Variants in DACH2 observed in about 807,000 individuals in gnomAD.
The protein encoded by DACH2 is dachshund family transcription factor 2.
In DACH2, 17 loss-of-function variants were observed where a neutral mutation model predicts 35.8. That is an observed-to-expected ratio of 0.48 (90% CI 0.33 to 0.71). The LOEUF (loss-of-function observed/expected upper bound fraction) is 0.71, where lower values mean the gene tolerates loss of function less well. Ranked by LOEUF, DACH2 falls within the 30% of genes least tolerant of loss-of-function variation. DACH2 has a pLI of 0.02. For missense variants in DACH2, 469 were observed against 472.7 expected (o/e 0.99, Z 0.07); for synonymous variants, 195 against 177.3 (o/e 1.10, Z -0.79).
chrX:86,640,336 G>T (rs1210686626), intron 3 of DACH2, among the ~76,000 whole-genome samples: 6 of 111,043 alleles, frequency 5.4e-5, no homozygotes, highest in Non-Finnish European at 9.4e-5. Flanking sequence ...GACCCTAAGT[G>T]CTTTATCCAC....
At chrX:86,237,172 C>G (rs934180337) in intron 1 of DACH2, among the ~76,000 whole-genome samples, 4 of 111,679 alleles carry the variant, frequency 3.6e-5, no homozygotes, top group Non-Finnish European at 7.5e-5. Flanking sequence ...TCTTCTGGCG[C>G]AATAACACAC....
chrX:86,346,664 AGTGT>A (rs2148066867), intron 1 of DACH2, among the ~76,000 whole-genome samples: 1 of 111,866 alleles, frequency 8.9e-6, no homozygotes, highest in African/African-American at 3.2e-5. Context: ...AAGTTTTAAT[AGTGT>A]TTCTCCCTTT....
chrX:86,729,512 A>G (rs1222653278), intron 6 of DACH2, among the ~76,000 whole-genome samples: 2 of 111,796 alleles, frequency 1.8e-5, no homozygotes, highest in Admixed American at 1.9e-4. Flanking sequence ...TTGGAAAGGC[A>G]TGATTGTATT....
chrX:86,653,707 C>T (rs1254841064), intron 4 of DACH2, among the ~76,000 whole-genome samples: 1 of 101,727 alleles, frequency 9.8e-6, no homozygotes, highest in Non-Finnish European at 2.0e-5. Flanking sequence ...ACTCTATCAC[C>T]CAGGCTGGAG....
intron 1 of DACH2, among the ~76,000 whole-genome samples, chrX:86,242,839 C>T (rs1362568459): frequency 9.0e-6 from 1 of 111,437 alleles, no homozygotes; most frequent in Non-Finnish European, 1.9e-5. Context: ...AAGTGTGTGG[C>T]ACTTCCCCCT....
intron 7 of DACH2, among the ~76,000 whole-genome samples, chrX:86,756,412 T>A (rs1218904116): frequency 9.0e-6 from 1 of 110,703 alleles, no homozygotes; most frequent in Non-Finnish European, 1.9e-5. Flanking sequence ...ATTTCTCTCA[T>A]CAGAGTTTTG....
At chrX:86,588,371 T>C (rs2039602439) in intron 3 of DACH2, among the ~76,000 whole-genome samples, 1 of 111,638 alleles carries the variant, frequency 9.0e-6, no homozygotes, top group Non-Finnish European at 1.9e-5. Flanking sequence ...AATATGAATT[T>C]TAGAATAGAT....
intron 2 of DACH2, among the ~76,000 whole-genome samples, chrX:86,458,112 C>T (rs1339619443): frequency 9.0e-6 from 1 of 111,631 alleles, no homozygotes; most frequent in Non-Finnish European, 1.9e-5. Flanking sequence ...GCTTTTAGAC[C>T]AACTTTCTTA....
rs771919980 is a variant in DACH2 at position 86,667,497 on chromosome X, AAG to A, written c.772+16334_772+16335del. Among the ~76,000 whole-genome samples the A allele has an allele frequency of 1.0e-3, 60 of 58,813 alleles. 1 individual carries two copies. Among genetic ancestry groups the A allele is most frequent in the African/African-American group, 4.3e-3 (55 of 12,647 alleles). The allele number at this position is 58,813 out of a possible 115,157, so 51.1% of individuals were successfully genotyped here. On this transcript the variant is annotated intron_variant, in intron 4 of 11. Coordinates refer to ENST00000373125, the MANE Select transcript of DACH2 (RefSeq NM_053281.3). Reference sequence around the variant, plus strand: ...AAAGAAAGAAGGAAGGAAAGAAAGAAAGAGAAAGAAAGAAAGAAAGAAAGAAA... The same window carrying A: ...AAAGAAAGAAGGAAGGAAAGAAAGAAAGAAAGAAAGAAAGAAAGAAAGAAA...
At chrX:86,772,467 A>G (rs572770776) in intron 7 of DACH2, among the ~76,000 whole-genome samples, 1 of 111,542 alleles carries the variant, frequency 9.0e-6, no homozygotes, top group East Asian at 2.8e-4. Context: ...CATCTTCATT[A>G]TATATAACTA....
At position 86,210,575 on chromosome X, in the gene DACH2, A is replaced by G. The variant is rs376176778; in HGVS notation, c.488+61467A>G. Among the ~76,000 whole-genome samples, 4 of 111,932 alleles carry G rather than the reference A, an allele frequency of 3.6e-5. No homozygotes were observed. The East Asian group carries it at 1.1e-3, about 31-fold the overall frequency. On this transcript the variant is annotated intron_variant, in intron 1 of 11. Transcript: ENST00000373125. Reference sequence around the variant, plus strand: ...TTTGATAGTGAATTAAAAGAAAATAAAAGAAAGACAAGAAACACTGACATC... The same window carrying G: ...TTTGATAGTGAATTAAAAGAAAATAGAAGAAAGACAAGAAACACTGACATC...
intron 2 of DACH2, among the ~76,000 whole-genome samples, chrX:86,392,365 A>G (rs2036217811): frequency 8.9e-6 from 1 of 111,922 alleles, no homozygotes; most frequent in African/African-American, 3.2e-5. Flanking sequence ...ATGAGCCTGA[A>G]TAAACCATAA....
At chrX:86,356,784 T>A (rs1209270617) in intron 1 of DACH2, among the ~76,000 whole-genome samples, 1 of 112,033 alleles carries the variant, frequency 8.9e-6, no homozygotes, top group African/African-American at 3.2e-5. Context: ...TTTTTCAAGC[T>A]GTCTTTTTAC....
At chrX:86,458,872 G>A (rs1029563563) in intron 2 of DACH2, among the ~76,000 whole-genome samples, 2 of 110,532 alleles carry the variant, frequency 1.8e-5, no homozygotes, top group Non-Finnish European at 3.8e-5. Flanking sequence ...GCCTGTCAGG[G>A]GGTGGAGGCT....
intron 1 of DACH2, among the ~76,000 whole-genome samples, chrX:86,264,235 A>G (rs2147965141): frequency 1.8e-5 from 2 of 112,237 alleles, no homozygotes; most frequent in East Asian, 5.6e-4. Context: ...AAATCAAATT[A>G]CTAACTTGCA....
At chrX:86,569,821 A>G (rs1003837817) in intron 3 of DACH2, among the ~76,000 whole-genome samples, 32 of 111,888 alleles carry the variant, frequency 2.9e-4, no homozygotes, top group African/African-American at 1.0e-3. Flanking sequence ...GAATGGGAGA[A>G]CATTTTTCTC....
rs1439597282 is a variant in DACH2 at position 86,223,133 on chromosome X, G to A, written c.488+74025G>A. On this transcript the variant is annotated intron_variant, in intron 1 of 11. Coordinates refer to ENST00000373125, the MANE Select transcript of DACH2 (RefSeq NM_053281.3). ...ATGCTATTAAATGGCTATAATGTAA[G>A]TCATGGATGAGTTAGTAATTCACTG... Among the ~76,000 whole-genome samples, 3 of 111,713 alleles carry A rather than the reference G, an allele frequency of 2.7e-5. No individual in the cohort carries two copies. In the South Asian group the frequency reaches 1.1e-3, roughly 41 times the overall value.
At chrX:86,670,430 C>A in intron 4 of DACH2, among the ~76,000 whole-genome samples, 1 of 111,538 alleles carries the variant, frequency 9.0e-6, no homozygotes, top group Non-Finnish European at 1.9e-5. Flanking sequence ...TTGCCTCTCT[C>A]TGCAATGTCC....
At chrX:86,700,092 G>A (rs1410285609) in intron 5 of DACH2, among the ~76,000 whole-genome samples, 1 of 104,581 alleles carries the variant, frequency 9.6e-6, no homozygotes, top group Non-Finnish European at 2.0e-5. Flanking sequence ...TCAATTTGCT[G>A]AAGATTGTTT....
Sources: gnomAD v4.1 joint callset for allele counts (sites outside exome capture counted in the v4.1 genomes callset) on GRCh38, gnomAD v4.1.1 for gene constraint, MANE v1.5 for transcripts, NCBI Gene and HGNC (gene_info 2026-07-23, HGNC 2026-07-21) for gene names.